Variants in NAP1L2 observed in about 807,000 individuals in gnomAD.
The protein encoded by NAP1L2 is nucleosome assembly protein 1 like 2.
For synonymous variants in NAP1L2, 165 were observed against 126.0 expected, an observed-to-expected ratio of 1.31 and a Z score of -2.07; for missense variants, 376 against 338.5, an observed-to-expected ratio of 1.11 and a Z score of -0.87.
rs200799198 is a variant in NAP1L2 at position 73,214,148 on chromosome X, A to C, written c.345T>G (p.Leu115=). The change falls in exon 1 of 1, where the codon CTT becomes CTG. Residue 115 remains leucine (L), a synonymous_variant. Transcript: ENST00000373517. ...TGGCCGCTCTAGTTTGAAGCTTTTTAAGGGCTAACACACGGTACTTAACTT... is the reference window on the plus strand; with the variant it reads ...TGGCCGCTCTAGTTTGAAGCTTTTTCAGGGCTAACACACGGTACTTAACTT... ...PVKVKYRVLA[L]KKLQTRAANL... The C allele has an allele frequency of 8.3e-7, 1 of 1,211,482 alleles. No individual in the cohort carries two copies. The highest frequency in any genetic ancestry group is 1.1e-6 in the Non-Finnish European group (1 of 895,470).
At position 73,213,273 on chromosome X, in the gene NAP1L2, A is replaced by T. The variant is rs188400743; in HGVS notation, c.1220T>A (p.Phe407Tyr). The part of the protein sequence containing the change: ...RTYIIPRSVL[F>Y]FSGDALESQQ... ...AGATTCCAGTGCATCACCTGAGAAA[A>T]ATAATACTGATCTTGGAATTATGTA... Residue 407 changes from phenylalanine to tyrosine, a missense_variant, in exon 1 of 1, where the codon TTT (phenylalanine) becomes TAT (tyrosine). Physicochemically the swap from Phe to Tyr is conservative, Grantham distance 22. Transcript: ENST00000373517. 3.1e-5 allele frequency: 38 copies of T among 1,210,380 alleles called. No homozygotes were observed. In the African/African-American group the frequency reaches 6.1e-4, roughly 19 times the overall value.
Position 73,213,941 on chromosome X carries a change from C to T in NAP1L2, c.552G>A (p.Glu184=), listed in dbSNP as rs1349614084. The change falls in exon 1 of 1, where the codon GAG becomes GAA. Residue 184 remains glutamate, a synonymous_variant. Coordinates refer to ENST00000373517, the MANE Select transcript of NAP1L2 (RefSeq NM_021963.4). ...CCATACCCTCCTCATTACCATACAT[C>T]TCTTCATGACACATTTCCTCATCAT... is the stretch of plus-strand genomic sequence containing the variant. ...DCDDEEMCHE[E]MYGNEEGMVH... is the part of the protein sequence containing the mutation. 2 of 1,211,276 alleles carry T rather than the reference C, an allele frequency of 1.7e-6. No individual in the cohort carries two copies. Among genetic ancestry groups the T allele is most frequent in the Non-Finnish European group, 2.2e-6 (2 of 895,395 alleles).
chrX:73,213,516 T>A lies in NAP1L2; in HGVS notation c.977A>T (p.Glu326Val). 1 of 1,211,671 alleles carries A rather than the reference T, an allele frequency of 8.3e-7. No individual in the cohort carries two copies. The highest frequency in any genetic ancestry group is 1.1e-6 in the Non-Finnish European group (1 of 895,306). Residue 326 changes from glutamate to valine, a missense_variant, in exon 1 of 1, where the codon GAG becomes GTG. Glu to Val is a moderately radical substitution (Grantham distance 121). Coordinates refer to ENST00000373517, the MANE Select transcript of NAP1L2 (RefSeq NM_021963.4). Reference protein sequence around the residue: ...DPHPYRGTAIEYSTGCEIDWN... With the variant: ...DPHPYRGTAIVYSTGCEIDWN... ...ATCTATCTCACAGCCTGTGGAATAC[T>A]CAATCGCAGTTCCCCTATAGGGATG...
rs1334753096 is a variant in NAP1L2 at position 73,214,327 on chromosome X, C to A, written c.166G>T (p.Gly56Trp). 8.3e-7 allele frequency: 1 copy of A among 1,211,238 alleles called. No individual in the cohort carries two copies. Among genetic ancestry groups the A allele is most frequent in the Admixed American group, 2.2e-5 (1 of 45,941 alleles). ...KCGEEAAAGL[G>W]EEGENGEDTA... ...TCTTCACCGTTTTCCCCTTCTTCCC[C>A]AAGCCCAGCGGCAGCTTCTTCACCG... is the stretch of plus-strand genomic sequence containing the variant. The change falls in exon 1 of 1, where the codon GGG (glycine) becomes TGG (tryptophan). Residue 56 changes from glycine (G) to tryptophan (W), a missense_variant. Transcript: ENST00000373517.
Position 73,214,325 on chromosome X carries a change from C to T in NAP1L2, c.168G>A (p.Gly56=). The change falls in exon 1 of 1, where the codon GGG becomes GGA. Residue 56 remains glycine (G), a synonymous_variant. Transcript: ENST00000373517. ...KCGEEAAAGL[G]EEGENGEDTA... ...TATCTTCACCGTTTTCCCCTTCTTC[C>T]CCAAGCCCAGCGGCAGCTTCTTCAC... 8.3e-7 allele frequency: 1 copy of T among 1,211,285 alleles called. No individual in the cohort carries two copies. Among genetic ancestry groups the T allele is most frequent in the Non-Finnish European group, 1.1e-6 (1 of 895,456 alleles).
Position 73,213,330 on chromosome X carries a change from T to C in NAP1L2, c.1163A>G (p.Asp388Gly). The C allele has an allele frequency of 5.8e-6, 7 of 1,211,427 alleles. No homozygotes were observed. The highest frequency in any genetic ancestry group is 7.8e-6 in the Non-Finnish European group (7 of 894,957). Reference protein sequence around the residue: ...GITSNGRDGNDDFLLGHNLRT... With the variant: ...GITSNGRDGNGDFLLGHNLRT... ...TAAATTGTGACCAAGTAAAAAATCATCATTTCCATCCCTTCCATTTGAGGT... is the reference window on the plus strand; with the variant it reads ...TAAATTGTGACCAAGTAAAAAATCACCATTTCCATCCCTTCCATTTGAGGT... The change falls in exon 1 of 1, where the codon GAT becomes GGT. Residue 388 changes from aspartate (D) to glycine (G), a missense_variant. Asp to Gly is a moderately conservative substitution (Grantham distance 94). Transcript: ENST00000373517.
At position 73,213,055 on chromosome X, in the gene NAP1L2, T is replaced by C. The variant is rs1460823427; in HGVS notation, c.*55A>G. On this transcript the variant is annotated 3_prime_UTR_variant, in exon 1 of 1. Coordinates refer to ENST00000373517, the MANE Select transcript of NAP1L2 (RefSeq NM_021963.4). The stretch of plus-strand genomic sequence containing the variant: ...AAAATACAGAACACAAGGCTTCTTA[T>C]ACCTTGAGTAACTATATCTAGGGCA... The C allele has an allele frequency of 1.8e-5, 18 of 1,020,185 alleles. No individual in the cohort carries two copies. The highest frequency in any genetic ancestry group is 2.6e-4 in the Middle Eastern group (1 of 3,809). The allele number at this position is 1,020,185 out of a possible 1,213,427, so 84.1% of individuals were successfully genotyped here.
rs756969141 is a variant in NAP1L2 at position 73,213,165 on chromosome X, T to C, written c.1328A>G (p.Glu443Gly). ...IYDNWMAAIE[E>G]VKACCKNLEA... The stretch of plus-strand genomic sequence containing the variant: ...AAGGTTTTTGCAACAAGCTTTAACT[T>C]CCTCAATTGCAGCCATCCAATTATC... The change falls in exon 1 of 1, where the codon GAA becomes GGA. Residue 443 changes from glutamate to glycine, a missense_variant. Glu to Gly is a moderately conservative substitution (Grantham distance 98). Transcript: ENST00000373517. The C allele has an allele frequency of 8.3e-7, 1 of 1,210,811 alleles. No homozygotes were observed. Among genetic ancestry groups the C allele is most frequent in the Admixed American group, 2.2e-5 (1 of 45,869 alleles).
At position 73,214,697 on chromosome X, in the gene NAP1L2, T is replaced by C; in HGVS notation, c.-205A>G. 1 of 431,989 alleles carries C rather than the reference T, an allele frequency of 2.3e-6. No individual in the cohort carries two copies. The highest frequency in any genetic ancestry group is 4.0e-6 in the Non-Finnish European group (1 of 249,948). 35.6% of individuals were successfully genotyped at this position (431,989 alleles called of 1,213,427 possible). ...GAACCGGACTGAAGCAGTGGCGACC[T>C]GGGCTGGGTGCAGAGGGCGGCGACG... is the stretch of plus-strand genomic sequence containing the variant. On this transcript the variant is annotated 5_prime_UTR_variant, in exon 1 of 1. Coordinates refer to ENST00000373517, the MANE Select transcript of NAP1L2 (RefSeq NM_021963.4).
At position 73,213,279 on chromosome X, in the gene NAP1L2, A is replaced by G; in HGVS notation, c.1214T>C (p.Val405Ala). 2 of 1,211,673 alleles carry G rather than the reference A, an allele frequency of 1.7e-6. No homozygotes were observed. The highest frequency in any genetic ancestry group is 1.1e-6 in the Non-Finnish European group (1 of 895,186). The change falls in exon 1 of 1, where the codon GTA becomes GCA. Residue 405 changes from valine (V) to alanine (A), a missense_variant. Physicochemically the swap from Val to Ala is moderately conservative, Grantham distance 64. Transcript: ENST00000373517. ...NLRTYIIPRS[V>A]LFFSGDALES... Reference sequence around the variant, plus strand: ...CAGTGCATCACCTGAGAAAAATAATACTGATCTTGGAATTATGTAAGTACG... The same window carrying G: ...CAGTGCATCACCTGAGAAAAATAATGCTGATCTTGGAATTATGTAAGTACG...
chrX:73,213,557 T>TGA lies in NAP1L2; in HGVS notation c.935_936insTC (p.Ala313GlnfsTer22). The TGA allele has an allele frequency of 8.3e-7, 1 of 1,211,738 alleles. No individual in the cohort carries two copies. The highest frequency in any genetic ancestry group is 1.1e-6 in the Non-Finnish European group (1 of 895,359). On this transcript the variant is annotated frameshift_variant, in exon 1 of 1. Coordinates refer to ENST00000373517, the MANE Select transcript of NAP1L2 (RefSeq NM_021963.4). LOFTEE classifies it low-confidence loss of function (END_TRUNC). ...TATAGGGATGGGGATCATAATATGC[T>TGA]AGCTTTGACTTCAGCACATAGGTCT...
At position 73,213,282 on chromosome X, in the gene NAP1L2, G is replaced by A. The variant is rs866345417; in HGVS notation, c.1211C>T (p.Ser404Leu). ...TGCATCACCTGAGAAAAATAATACT[G>A]ATCTTGGAATTATGTAAGTACGTAA... Reference protein sequence around the residue: ...HNLRTYIIPRSVLFFSGDALE... With the variant: ...HNLRTYIIPRLVLFFSGDALE... The change falls in exon 1 of 1, where the codon TCA becomes TTA. Residue 404 changes from serine (S) to leucine (L), a missense_variant. Ser to Leu is a moderately radical substitution (Grantham distance 145). Coordinates refer to ENST00000373517, the MANE Select transcript of NAP1L2 (RefSeq NM_021963.4). 1 of 1,209,725 alleles carries A rather than the reference G, an allele frequency of 8.3e-7. No individual in the cohort carries two copies. The highest frequency in any genetic ancestry group is 1.7e-5 in the African/African-American group (1 of 57,294).
Position 73,214,365 on chromosome X carries a change from T to C in NAP1L2, c.128A>G (p.Asp43Gly). The C allele has an allele frequency of 1.7e-6, 2 of 1,210,693 alleles. No homozygotes were observed. The highest frequency in any genetic ancestry group is 2.2e-6 in the Non-Finnish European group (2 of 895,238). Residue 43 changes from aspartate to glycine, a missense_variant, in exon 1 of 1, where the codon GAC becomes GGC. Transcript: ENST00000373517. ...AGCTTCTTCACCGCACTTCCCATCGTCTCCAAGCCCAGCAGCGGCATCTTC... is the reference window on the plus strand; with the variant it reads ...AGCTTCTTCACCGCACTTCCCATCGCCTCCAAGCCCAGCAGCGGCATCTTC... ...RGEDAAAGLGDDGKCGEEAAA... is the reference protein window; with the variant it reads ...RGEDAAAGLGGDGKCGEEAAA...
Position 73,213,262 on chromosome X carries a change from C to T in NAP1L2, c.1231G>A (p.Asp411Asn). ...CCCTCCTGCTGAGATTCCAGTGCATCACCTGAGAAAAATAATACTGATCTT... is the reference window on the plus strand; with the variant it reads ...CCCTCCTGCTGAGATTCCAGTGCATTACCTGAGAAAAATAATACTGATCTT... ...IPRSVLFFSGDALESQQEGVV... is the reference protein window; with the variant it reads ...IPRSVLFFSGNALESQQEGVV... Residue 411 changes from aspartate to asparagine, a missense_variant, in exon 1 of 1, where the codon GAT becomes AAT. Transcript: ENST00000373517. The T allele has an allele frequency of 8.3e-7, 1 of 1,211,620 alleles. No individual in the cohort carries two copies. Among genetic ancestry groups the T allele is most frequent in the Non-Finnish European group, 1.1e-6 (1 of 895,254 alleles).
chrX:73,214,332 C>A lies in NAP1L2; in HGVS notation c.161G>T (p.Gly54Val). 8.3e-7 allele frequency: 1 copy of A among 1,211,194 alleles called. No individual in the cohort carries two copies. Among genetic ancestry groups the A allele is most frequent in the Non-Finnish European group, 1.1e-6 (1 of 895,365 alleles). ...DGKCGEEAAA[G>V]LGEEGENGED... ...ACCGTTTTCCCCTTCTTCCCCAAGC[C>A]CAGCGGCAGCTTCTTCACCGCACTT... The change falls in exon 1 of 1, where the codon GGG becomes GTG. Residue 54 changes from glycine to valine, a missense_variant. Coordinates refer to ENST00000373517, the MANE Select transcript of NAP1L2 (RefSeq NM_021963.4).
rs5982097 is a variant in NAP1L2 at position 73,213,947 on chromosome X, A to G, written c.546T>C (p.His182=). ...SEDCDDEEMC[H]EEMYGNEEGM... ...CCTCCTCATTACCATACATCTCTTC[A>G]TGACACATTTCCTCATCATCACAGT... is the stretch of plus-strand genomic sequence containing the variant. Residue 182 remains histidine (H), a synonymous_variant, in exon 1 of 1, where the codon CAT becomes CAC. Coordinates refer to ENST00000373517, the MANE Select transcript of NAP1L2 (RefSeq NM_021963.4). 1.6e-3 allele frequency: 1,958 copies of G among 1,208,844 alleles called. 29 individuals carry two copies. In the African/African-American group the frequency reaches 0.031, roughly 19 times the overall value.
At position 73,214,511 on chromosome X, in the gene NAP1L2, C is replaced by A. The variant is rs770137919; in HGVS notation, c.-19G>T. 4 of 1,189,244 alleles carry A rather than the reference C, an allele frequency of 3.4e-6. No individual in the cohort carries two copies. Among genetic ancestry groups the A allele is most frequent in the Non-Finnish European group, 4.5e-6 (4 of 882,329 alleles). On this transcript the variant is annotated 5_prime_UTR_variant, in exon 1 of 1. Coordinates refer to ENST00000373517, the MANE Select transcript of NAP1L2 (RefSeq NM_021963.4). ...CGGCCATTTTTCAAAGGACCGTACACGCCTAAGGTGGCTACCACAGAGATC... is the reference window on the plus strand; with the variant it reads ...CGGCCATTTTTCAAAGGACCGTACAAGCCTAAGGTGGCTACCACAGAGATC...
In NAP1L2 at chrX:73,213,528, C is replaced by T; in HGVS notation, c.965G>A (p.Gly322Glu). 1.7e-6 allele frequency: 2 copies of T among 1,211,364 alleles called. No homozygotes were observed. The highest frequency in any genetic ancestry group is 2.2e-6 in the Non-Finnish European group (2 of 895,226). ...LAYYDPHPYRGTAIEYSTGCE... is the reference protein window; with the variant it reads ...LAYYDPHPYRETAIEYSTGCE... ...GCCTGTGGAATACTCAATCGCAGTTCCCCTATAGGGATGGGGATCATAATA... is the reference window on the plus strand; with the variant it reads ...GCCTGTGGAATACTCAATCGCAGTTTCCCTATAGGGATGGGGATCATAATA... Residue 322 changes from glycine to glutamate, a missense_variant, in exon 1 of 1, where the codon GGA becomes GAA. Gly to Glu is a moderately conservative substitution (Grantham distance 98, BLOSUM62 -2). Transcript: ENST00000373517.
In NAP1L2 at chrX:73,213,623, G is replaced by C. The variant is rs1261649211; in HGVS notation, c.870C>G (p.His290Gln). ...TTTTGAAATATTCATTGGGTTTGAAGTGAAATTCTAGTGTGAAACTGAGGG... is the reference window on the plus strand; with the variant it reads ...TTTTGAAATATTCATTGGGTTTGAACTGAAATTCTAGTGTGAAACTGAGGG... Reference protein sequence around the residue: ...GEPLSFTLEFHFKPNEYFKNE... With the variant: ...GEPLSFTLEFQFKPNEYFKNE... Residue 290 changes from histidine to glutamine, a missense_variant, in exon 1 of 1, where the codon CAC becomes CAG. Physicochemically the swap from His to Gln is conservative, Grantham distance 24 (BLOSUM62 0). Transcript: ENST00000373517. The C allele has an allele frequency of 8.3e-7, 1 of 1,209,653 alleles. No individual in the cohort carries two copies. Among genetic ancestry groups the C allele is most frequent in the African/African-American group, 1.7e-5 (1 of 57,201 alleles).
Sources: gnomAD v4.1 joint callset for allele counts on GRCh38, gnomAD v4.1.1 for gene constraint, MANE v1.5 for transcripts, NCBI Gene and HGNC (gene_info 2026-07-23, HGNC 2026-07-21) for gene names.